The following NAALADL2 variants were observed in gnomAD, a reference collection of about 807,000 sequenced individuals.
NAALADL2 encodes inactive N-acetylated-alpha-linked acidic dipeptidase-like protein 2.
In NAALADL2, 76 loss-of-function variants were observed where a neutral mutation model predicts 87.2. The ratio of observed to expected loss-of-function variants is 0.87; its 90% CI spans 0.72 to 1.05. NAALADL2 has a LOEUF of 1.05. Among genes scored for constraint, NAALADL2 ranks in the 50% least tolerant of loss-of-function variants. NAALADL2 has a pLI of 0.00. For synonymous variants in NAALADL2, 354 were observed against 331.0 expected, an observed-to-expected ratio of 1.07 and a Z score of -0.75; for missense variants, 1,089 against 945.8, an observed-to-expected ratio of 1.15 and a Z score of -1.99.
intron 1 of NAALADL2, among the ~76,000 whole-genome samples, chr3:174,511,515 T>C (rs1220213538): frequency 6.6e-6 from 1 of 152,036 alleles, no homozygotes; most frequent in Non-Finnish European, 1.5e-5. Context: ...TTATTCATCT[T>C]TCAGCCTTTA....
At chr3:174,636,708 A>G (rs777137759) in intron 2 of NAALADL2, among the ~76,000 whole-genome samples, 1 of 152,152 alleles carries the variant, frequency 6.6e-6, no homozygotes, top group Non-Finnish European at 1.5e-5. Context: ...CTGTTGAAGC[A>G]GATATAAATT....
At chr3:174,760,775 C>G (rs974680192) in intron 3 of NAALADL2, among the ~76,000 whole-genome samples, 2 of 152,212 alleles carry the variant, frequency 1.3e-5, no homozygotes, top group Non-Finnish European at 2.9e-5. Context: ...TCATTTCTGT[C>G]TGAGAAGAAA....
chr3:175,355,530 A>G (rs572739526), intron 5 of NAALADL2, among the ~76,000 whole-genome samples: 8 of 152,142 alleles, frequency 5.3e-5, no homozygotes, highest in Non-Finnish European at 8.8e-5. Context: ...TGAAGTGTCA[A>G]CTGAGGCTAT....
At chr3:174,565,713 T>C (rs1714176120) in intron 2 of NAALADL2, among the ~76,000 whole-genome samples, 2 of 152,030 alleles carry the variant, frequency 1.3e-5, no homozygotes, top group Non-Finnish European at 2.9e-5. Flanking sequence ...GCTGGATTTG[T>C]TAAGATTTTG....
At chr3:175,352,995 C>T (rs963129875) in intron 5 of NAALADL2, among the ~76,000 whole-genome samples, 1 of 151,912 alleles carries the variant, frequency 6.6e-6, no homozygotes, top group Admixed American at 6.6e-5. Context: ...ATCAACGAAC[C>T]CTGAAAGACA....
chr3:174,654,828 C>T (rs1484288692), intron 2 of NAALADL2, among the ~76,000 whole-genome samples: 6 of 152,114 alleles, frequency 3.9e-5, no homozygotes, highest in East Asian at 1.9e-4. Context: ...CTCTGCCTCC[C>T]GGGTTCAAGC....
intron 1 of NAALADL2, among the ~76,000 whole-genome samples, chr3:175,012,129 G>A (rs922800421): frequency 2.0e-5 from 3 of 152,080 alleles, no homozygotes; most frequent in East Asian, 3.9e-4. Context: ...GGACAGTATT[G>A]TAAGCTAAGA....
At chr3:174,645,439 G>T (rs1215248557) in intron 2 of NAALADL2, among the ~76,000 whole-genome samples, 1 of 152,146 alleles carries the variant, frequency 6.6e-6, no homozygotes, top group African/African-American at 2.4e-5. Context: ...TTACAAGAAT[G>T]AATTGCTCAG....
At chr3:175,749,801 A>C (rs1746400175) in intron 12 of NAALADL2, among the ~76,000 whole-genome samples, 1 of 152,202 alleles carries the variant, frequency 6.6e-6, no homozygotes, top group Admixed American at 6.5e-5. Flanking sequence ...AGCATGTATA[A>C]ATTCAGTGGA....
At chr3:174,805,676 C>A (rs564861499) in intron 3 of NAALADL2, among the ~76,000 whole-genome samples, 2 of 152,064 alleles carry the variant, frequency 1.3e-5, no homozygotes, top group African/African-American at 4.8e-5. Context: ...AAAGCATAAT[C>A]AACTTGCAAT....
intron 2 of NAALADL2, among the ~76,000 whole-genome samples, chr3:174,659,644 C>G (rs760483314): frequency 6.6e-6 from 1 of 152,306 alleles, no homozygotes; most frequent in Non-Finnish European, 1.5e-5. Flanking sequence ...TCTAATCTCT[C>G]CTGGATTCAG....
At position 175,736,693 on chromosome 3, in the gene NAALADL2, C is replaced by G. The variant is rs117098632; in HGVS notation, c.1897-613C>G. Reference sequence around the variant, plus strand: ...AACAAATCAGCCAAACTTCACGATTCAAAGACAAATCAGCATCCTTTTCAA... The same window carrying G: ...AACAAATCAGCCAAACTTCACGATTGAAAGACAAATCAGCATCCTTTTCAA... On this transcript the variant is annotated intron_variant, in intron 11 of 13. Coordinates refer to ENST00000454872, the MANE Select transcript of NAALADL2 (RefSeq NM_207015.3). Among the ~76,000 whole-genome samples the G allele has an allele frequency of 2.0e-3, 306 of 152,292 alleles. 11 individuals are homozygous for G. The East Asian group carries it at 0.049, about 24-fold the overall frequency.
intron 1 of NAALADL2, among the ~76,000 whole-genome samples, chr3:175,012,231 C>G (rs1014622619): frequency 6.6e-6 from 1 of 152,164 alleles, no homozygotes. Flanking sequence ...ATGGCCCAGT[C>G]TGGGCTCACT....
intron 2 of NAALADL2, among the ~76,000 whole-genome samples, chr3:175,107,377 G>A (rs1306163694): frequency 6.6e-6 from 1 of 151,918 alleles, no homozygotes; most frequent in Non-Finnish European, 1.5e-5. Context: ...GACTCAAGCT[G>A]TGTTCTTCCC....
At chr3:174,476,267 T>C (rs1232563417) in intron 1 of NAALADL2, among the ~76,000 whole-genome samples, 1 of 152,014 alleles carries the variant, frequency 6.6e-6, no homozygotes, top group East Asian at 1.9e-4. Flanking sequence ...TTTTTTTTTT[T>C]TTCATTTTGA....
chr3:175,380,172 A>G (rs1397188504), intron 5 of NAALADL2, among the ~76,000 whole-genome samples: 2 of 152,108 alleles, frequency 1.3e-5, no homozygotes, highest in Non-Finnish European at 2.9e-5. Flanking sequence ...CATGTTGTGC[A>G]CATGTATCCT....
chr3:175,805,682 G>T lies in NAALADL2; in HGVS notation c.*2479G>T, dbSNP rs1458666865. The T allele has an allele frequency of 4.6e-5, 7 of 151,320 alleles. No homozygotes were observed. The highest frequency in any genetic ancestry group is 1.5e-4 in the African/African-American group (6 of 41,264). 9.4% of individuals were successfully genotyped at this position (151,320 alleles called of 1,614,324 possible). ...GAATTGGTAGTAGGTTTAAGCTGTT[G>T]CTGAGTCGTCTATATGCCTGGTACT... On this transcript the variant is annotated 3_prime_UTR_variant, in exon 14 of 14. Coordinates refer to ENST00000454872, the MANE Select transcript of NAALADL2 (RefSeq NM_207015.3).
intron 2 of NAALADL2, among the ~76,000 whole-genome samples, chr3:175,195,364 A>G (rs988589541): frequency 3.3e-5 from 5 of 151,950 alleles, no homozygotes; most frequent in Admixed American, 1.3e-4. Context: ...CATATGTTGG[A>G]TGATGAAACG....
intron 1 of NAALADL2, among the ~76,000 whole-genome samples, chr3:174,534,569 TACA>T (rs1250529461): frequency 1.3e-5 from 2 of 152,186 alleles, no homozygotes; most frequent in Non-Finnish European, 2.9e-5. Context: ...CACATCTGTA[TACA>T]ACAACAGGAA....
Sources: gnomAD v4.1 joint callset for allele counts (sites outside exome capture counted in the v4.1 genomes callset) on GRCh38, gnomAD v4.1.1 for gene constraint, MANE v1.5 for transcripts, NCBI Gene and HGNC (gene_info 2026-07-23, HGNC 2026-07-21) for gene names.